CBX2: variants seen among roughly 807,000 people sequenced by gnomAD.
CBX2 encodes the protein chromobox protein homolog 2.
Under a neutral mutation model 21.0 loss-of-function variants are expected in CBX2, and 11 were observed. The ratio of observed to expected loss-of-function variants is 0.52; its 90% CI spans 0.33 to 0.87. The LOEUF is 0.87. CBX2 is among the 40% of genes least tolerant of loss of function. The probability of loss-of-function intolerance (pLI) is 0.02; values close to 1 mark genes in which losing one functional copy is unlikely to be tolerated. For synonymous variants in CBX2, 364 were observed against 304.6 expected (o/e 1.19, Z -2.03); for missense variants, 746 against 724.3 (o/e 1.03, Z -0.34).
Position 79,786,324 on chromosome 17 carries a change from C to G in CBX2, c.*1282C>G, listed in dbSNP as rs1425330172. ...TCATTTTCCCTGACAATCCCCATCA[C>G]CTTTAGGGGTTCCCTGCTTGGCTCC... On this transcript the variant is annotated 3_prime_UTR_variant, in exon 5 of 5. Coordinates refer to ENST00000310942, the MANE Select transcript of CBX2 (RefSeq NM_005189.3). 1 of 152,756 alleles carries G rather than the reference C, an allele frequency of 6.5e-6. No individual in the cohort carries two copies. Among genetic ancestry groups the G allele is most frequent in the Non-Finnish European group, 1.5e-5 (1 of 68,100 alleles). The allele number at this position is 152,756 out of a possible 1,614,324, so 9.5% of individuals were successfully genotyped here. A position where few individuals can be genotyped will look rare whatever the true frequency, so the allele number is the denominator to read the frequency against.
Position 79,784,400 on chromosome 17 carries a change from G to A in CBX2, c.957G>A (p.Gln319=), listed in dbSNP as rs781966024. ...PKAPSGGAVE[Q]KVGNTGGPPH... ...CCCCCAGCGGTGGGGCTGTGGAGCAGAAAGTGGGGAACACAGGGGGCCCCC... is the reference window on the plus strand; with the variant it reads ...CCCCCAGCGGTGGGGCTGTGGAGCAAAAAGTGGGGAACACAGGGGGCCCCC... Residue 319 remains glutamine, a synonymous_variant, in exon 5 of 5, where the codon CAG becomes CAA. Transcript: ENST00000310942. This position sits in a 1 kb window ranked among gnomAD's most constrained non-coding sequence, Gnocchi z 5.9. 46 of 1,612,318 alleles carry A rather than the reference G, an allele frequency of 2.9e-5. No homozygotes were observed. The highest frequency in any genetic ancestry group is 3.3e-5 in the Non-Finnish European group (39 of 1,179,688).
rs199761958 is a variant in CBX2 at position 79,778,278 on chromosome 17, G to A, written c.43G>A (p.Glu15Lys). Reference sequence around the variant, plus strand: ...CGTGGGCGAGCAGGTCTTCGCCGCCGAGTGCATCCTGAGCAAGCGGCTCCG... The same window carrying A: ...CGTGGGCGAGCAGGTCTTCGCCGCCAAGTGCATCCTGAGCAAGCGGCTCCG... ...SSVGEQVFAA[E>K]CILSKRLRKG... is the part of the protein sequence containing the mutation. The change falls in exon 1 of 5, where the codon GAG becomes AAG. Residue 15 changes from glutamate to lysine, a missense_variant. Around this residue, in one of 2 missense-constraint regions of CBX2, gnomAD observed 45 missense variants for 73.6 expected, o/e 0.61. Transcript: ENST00000310942. The surrounding 1 kb of genome is among the most constrained non-coding windows in gnomAD (Gnocchi z 4.8). 3 of 1,540,740 alleles carry A rather than the reference G, an allele frequency of 1.9e-6. No individual in the cohort carries two copies. In the South Asian group the frequency reaches 3.6e-5, roughly 18 times the overall value.
chr17:79,781,460 G>A (rs146911920), intron 3 of CBX2, among the ~76,000 whole-genome samples: 108 of 152,296 alleles, frequency 7.1e-4, no homozygotes, highest in Non-Finnish European at 1.4e-3. Context: ...TTTTCCCAGC[G>A]TTGCTTTCCT....
chr17:79,778,200 C>T lies in CBX2; in HGVS notation c.-36C>T, dbSNP rs1403522094. ...CGCGGCGGTCCGGGCGGGTGACTGG[C>T]GGCGGGCGCCGCGGTCGGGCTGGCT... On this transcript the variant is annotated 5_prime_UTR_variant, in exon 1 of 5. Coordinates refer to ENST00000310942, the MANE Select transcript of CBX2 (RefSeq NM_005189.3). This position sits in a 1 kb window ranked among gnomAD's most constrained non-coding sequence, Gnocchi z 4.8. 23 of 1,264,238 alleles carry T rather than the reference C, an allele frequency of 1.8e-5. No individual in the cohort carries two copies. Among genetic ancestry groups the T allele is most frequent in the African/African-American group, 6.5e-5 (4 of 61,722 alleles). The allele number at this position is 1,264,238 out of a possible 1,614,324, so 78.3% of individuals were successfully genotyped here. A position where few individuals can be genotyped will look rare whatever the true frequency, so the allele number is the denominator to read the frequency against.
chr17:79,779,288 G>T, intron 2 of CBX2, 74 bp from the exon 3 acceptor site: 4 of 1,425,404 alleles, frequency 2.8e-6, no homozygotes, highest in Non-Finnish European at 3.9e-6. Context: ...GTGAGGGCGA[G>T]CCCCCTCGGG....
intron 4 of CBX2, chr17:79,782,443 A>C: frequency 7.8e-7 from 1 of 1,285,614 alleles, no homozygotes. Flanking sequence ...CCCTCCCCTG[A>C]GGACAGGTGA....
Position 79,781,783 on chromosome 17 carries a change from C to G in CBX2, c.270C>G (p.Ser90Arg), listed in dbSNP as rs1555830323. ...AGCTCACTGCCATGTCCTCCTGCAG[C>G]CGGCGCTCCAAGCTCAAGGTGGGTG... The part of the protein sequence containing the change: ...PRKLTAMSSC[S>R]RRSKLKEPDA... Residue 90 changes from serine (S) to arginine (R), a missense_variant, in exon 4 of 5, where the codon AGC becomes AGG. By Grantham distance (110) the Ser-to-Arg change is moderately radical. Around this residue, in one of 2 missense-constraint regions of CBX2, gnomAD observed 701 missense variants for 650.7 expected, o/e 1.08. Coordinates refer to ENST00000310942, the MANE Select transcript of CBX2 (RefSeq NM_005189.3). The G allele has an allele frequency of 6.2e-7, 1 of 1,614,130 alleles. No homozygotes were observed. Among genetic ancestry groups the G allele is most frequent in the Non-Finnish European group, 8.5e-7 (1 of 1,180,004 alleles).
At chr17:79,780,392 A>G (rs1030429291) in intron 3 of CBX2, among the ~76,000 whole-genome samples, 1 of 152,208 alleles carries the variant, frequency 6.6e-6, no homozygotes, top group Admixed American at 6.5e-5. Flanking sequence ...GGGGCGAGCA[A>G]AAAGAAGAGC....
In CBX2 at chr17:79,779,354, C is replaced by G; in HGVS notation, c.117-8C>G. On this transcript the variant is annotated splice_region_variant and splice_polypyrimidine_tract_variant and intron_variant, in intron 2 of 4. Transcript: ENST00000310942. ...GCGTCTAATGCTGCCCTGTCCTCTGCTTTGCAGACATAACAGCTGGGAGCC... is the reference window on the plus strand; with the variant it reads ...GCGTCTAATGCTGCCCTGTCCTCTGGTTTGCAGACATAACAGCTGGGAGCC... The G allele has an allele frequency of 6.2e-7, 1 of 1,613,524 alleles. No homozygotes were observed. Among genetic ancestry groups the G allele is most frequent in the Non-Finnish European group, 8.5e-7 (1 of 1,179,868 alleles).
At position 79,779,349 on chromosome 17, in the gene CBX2, C is replaced by T. The variant is rs377482051; in HGVS notation, c.117-13C>T. 2 of 1,613,006 alleles carry T rather than the reference C, an allele frequency of 1.2e-6. No individual in the cohort carries two copies. The highest frequency in any genetic ancestry group is 1.7e-5 in the Admixed American group (1 of 59,940). On this transcript the variant is annotated splice_polypyrimidine_tract_variant and intron_variant, in intron 2 of 4. Coordinates refer to ENST00000310942, the MANE Select transcript of CBX2 (RefSeq NM_005189.3). Reference sequence around the variant, plus strand: ...GCCTGGCGTCTAATGCTGCCCTGTCCTCTGCTTTGCAGACATAACAGCTGG... The same window carrying T: ...GCCTGGCGTCTAATGCTGCCCTGTCTTCTGCTTTGCAGACATAACAGCTGG...
intron 4 of CBX2, chr17:79,782,257 G>A: frequency 6.4e-7 from 1 of 1,564,978 alleles, no homozygotes; most frequent in South Asian, 1.2e-5. Context: ...CGAAAGGCAG[G>A]GCTGACTGAA....
At chr17:79,777,834 C>T (rs1284505141), upstream of CBX2, among the ~76,000 whole-genome samples, 2 of 150,442 alleles carry the variant, frequency 1.3e-5, no homozygotes, top group Admixed American at 1.3e-4. Context: ...GGCGGGCGCG[C>T]CCCGGGAATC....
chr17:79,783,745 C>T lies in CBX2; in HGVS notation c.302C>T (p.Pro101Leu), dbSNP rs530319361. The stretch of plus-strand genomic sequence containing the variant: ...TTATCTTTCCAGGAACCCGATGCTC[C>T]CTCCAAATCCAAGTCCAGCAGTTCC... ...RRSKLKEPDA[P>L]SKSKSSSSSS... The change falls in exon 5 of 5, where the codon CCC becomes CTC. Residue 101 changes from proline (P) to leucine (L), a missense_variant. Physicochemically the swap from Pro to Leu is moderately conservative, Grantham distance 98. Around this residue, in one of 2 missense-constraint regions of CBX2, gnomAD observed 701 missense variants for 650.7 expected, o/e 1.08. Coordinates refer to ENST00000310942, the MANE Select transcript of CBX2 (RefSeq NM_005189.3). 1.9e-6 allele frequency: 3 copies of T among 1,552,718 alleles called. No individual in the cohort carries two copies. Among genetic ancestry groups the T allele is most frequent in the East Asian group, 2.4e-5 (1 of 40,930 alleles).
chr17:79,785,039 C>T lies in CBX2; in HGVS notation c.1596C>T (p.Tyr532=), dbSNP rs1477609033. 1.9e-6 allele frequency: 3 copies of T among 1,599,408 alleles called. No homozygotes were observed. Among genetic ancestry groups the T allele is most frequent in the South Asian group, 2.2e-5 (2 of 91,064 alleles). ...TSVGFFNLRH[Y] ...TGGGCTTCTTCAACCTGAGGCATTA[C>T]TGAAGCCCCGGCGCCACCAGCTGCG... The change falls in exon 5 of 5, where the codon TAC becomes TAT. Residue 532 remains tyrosine (Y), a synonymous_variant. Transcript: ENST00000310942.
At chr17:79,781,945 C>A in intron 4 of CBX2, 144 bp downstream of exon 4, 1 of 1,614,190 alleles carries the variant, frequency 6.2e-7, no homozygotes, top group African/African-American at 1.3e-5. Context: ...AACAGGAGCC[C>A]CCTTTCTTCC....
Position 79,779,421 on chromosome 17 carries a change from A to G in CBX2, c.176A>G (p.Gln59Arg). 6.2e-7 allele frequency: 1 copy of G among 1,612,384 alleles called. No homozygotes were observed. The highest frequency in any genetic ancestry group is 8.5e-7 in the Non-Finnish European group (1 of 1,179,610). ...GACCCGAGGCTGCTCCTGGCCTTCC[A>G]GAAGAAGTGAGGACGCTGACAGCAC... ...ILDPRLLLAF[Q>R]KKEHEKEVQN... The change falls in exon 3 of 5, where the codon CAG (glutamine) becomes CGG (arginine). Residue 59 changes from glutamine to arginine, a missense_variant. Around this residue, in one of 2 missense-constraint regions of CBX2, gnomAD observed 701 missense variants for 650.7 expected, o/e 1.08. Transcript: ENST00000310942.
At chr17:79,781,981 G>T (rs1228417684) in intron 4 of CBX2, 180 bp downstream of exon 4, 2 of 1,614,046 alleles carry the variant, frequency 1.2e-6, no homozygotes, top group East Asian at 2.2e-5. Flanking sequence ...GCTGCCAGGG[G>T]CCCCAGCCGG....
At chr17:79,781,212 C>T (rs899014140) in intron 3 of CBX2, among the ~76,000 whole-genome samples, 7 of 152,114 alleles carry the variant, frequency 4.6e-5, no homozygotes, top group Non-Finnish European at 8.8e-5. Flanking sequence ...CCAGGCTCTG[C>T]GAGGGCTGGA....
At chr17:79,777,538 G>A (rs1227580699), upstream of CBX2, among the ~76,000 whole-genome samples, 1 of 152,194 alleles carries the variant, frequency 6.6e-6, no homozygotes, top group African/African-American at 2.4e-5. Flanking sequence ...CTCGCCTTTG[G>A]GGGAAAAAGC....
Sources: gnomAD v4.1 joint callset for allele counts (sites outside exome capture counted in the v4.1 genomes callset) on GRCh38, gnomAD v4.1.1 for gene constraint, gnomAD v4.1.1 regional missense constraint, Gnocchi (gnomAD v3.1) non-coding constraint, MANE v1.5 for transcripts, NCBI Gene and HGNC (gene_info 2026-07-23, HGNC 2026-07-21) for gene names.